The following ARNT2 variants were observed in gnomAD, a reference collection of about 807,000 sequenced individuals.
The protein encoded by ARNT2 is aryl hydrocarbon receptor nuclear translocator 2.
A neutral mutation model predicts 91.7 loss-of-function variants in ARNT2; 36 were observed. That is an observed-to-expected ratio of 0.39 (90% CI 0.30 to 0.52). ARNT2 has a LOEUF of 0.52. Among genes scored for constraint, ARNT2 ranks in the 20% least tolerant of loss-of-function variants. The pLI is 0.72. For missense variants in ARNT2, 775 were observed against 939.3 expected, an observed-to-expected ratio of 0.83 and a Z score of 2.29; for synonymous variants, 365 against 347.1, an observed-to-expected ratio of 1.05 and a Z score of -0.57.
At chr15:80,455,254 G>A (rs909184266) in intron 2 of ARNT2, among the ~76,000 whole-genome samples, 3 of 152,234 alleles carry the variant, frequency 2.0e-5, no homozygotes, top group African/African-American at 7.2e-5. Flanking sequence ...GACTGTTTTC[G>A]GGTGGATTGA....
intron 5 of ARNT2, among the ~76,000 whole-genome samples, chr15:80,480,705 A>T (rs1896872403): frequency 6.6e-6 from 1 of 152,028 alleles, no homozygotes; most frequent in Non-Finnish European, 1.5e-5. Context: ...CCAACAGCAG[A>T]AGAGGGTGCA....
intron 8 of ARNT2, among the ~76,000 whole-genome samples, chr15:80,545,493 G>C (rs927788152): frequency 1.3e-5 from 2 of 152,318 alleles, no homozygotes; most frequent in African/African-American, 4.8e-5. Flanking sequence ...CAGAGGAATG[G>C]TGTGGCCAAC....
rs1252007077 is a variant in ARNT2, at chr15:80,404,571, G to T, written c.31+25G>T. The T allele has an allele frequency of 9.2e-7, 1 of 1,081,740 alleles. No individual in the cohort carries two copies. Among genetic ancestry groups the T allele is most frequent in the Non-Finnish European group, 1.1e-6 (1 of 889,578 alleles). The allele number at this position is 1,081,740 out of a possible 1,614,324, so 67.0% of individuals were successfully genotyped here. On this transcript the variant is annotated intron_variant, in intron 1 of 18. Coordinates refer to ENST00000303329, the MANE Select transcript of ARNT2 (RefSeq NM_014862.4). The surrounding 1 kb of genome is among the most constrained non-coding windows in gnomAD (Gnocchi z 5.5). ...GGTGAGTAGCGGCCTGGGCCCCGCC[G>T]CCCGCCGCAGCCCGCAGGCCTTGCC...
chr15:80,490,707 A>G (rs545598969), intron 5 of ARNT2, among the ~76,000 whole-genome samples: 2 of 152,374 alleles, frequency 1.3e-5, no homozygotes, highest in African/African-American at 4.8e-5. Flanking sequence ...TCACAGATGA[A>G]GGGGAAACCT....
At chr15:80,445,385 G>A (rs1896281594) in intron 1 of ARNT2, among the ~76,000 whole-genome samples, 1 of 150,052 alleles carries the variant, frequency 6.7e-6, no homozygotes, top group South Asian at 2.1e-4. Flanking sequence ...TGTAGGGTGT[G>A]TGCAGGTGTC....
At chr15:80,552,176 G>A (rs1395849387) in intron 9 of ARNT2, among the ~76,000 whole-genome samples, 1 of 152,150 alleles carries the variant, frequency 6.6e-6, no homozygotes, top group Non-Finnish European at 1.5e-5. Flanking sequence ...TATGGGTATT[G>A]CTTGCACATG....
chr15:80,472,317 C>CA (rs915711016), intron 4 of ARNT2, among the ~76,000 whole-genome samples: 1 of 151,824 alleles, frequency 6.6e-6, no homozygotes, highest in Non-Finnish European at 1.5e-5. Context: ...AAAGGAGCCA[C>CA]AAAAAATACC....
At chr15:80,582,369 GCCTGTAATT>G in intron 17 of ARNT2, among the ~76,000 whole-genome samples, 1 of 151,530 alleles carries the variant, frequency 6.6e-6, no homozygotes, top group South Asian at 2.1e-4. Flanking sequence ...TGTGGTGCAT[GCCTGTAATT>G]CCAGCTACTC....
chr15:80,433,257 A>ATTTTATTTTATTTTAT (rs1555455375), intron 1 of ARNT2, among the ~76,000 whole-genome samples: 10 of 126,232 alleles, frequency 7.9e-5, no homozygotes, highest in South Asian at 5.0e-4. Flanking sequence ...ATTTTATTTT[A>ATTTTATTTTATTTTAT]TTTTATTTTA....
chr15:80,464,175 C>A (rs1448524878), intron 3 of ARNT2, among the ~76,000 whole-genome samples: 1 of 152,052 alleles, frequency 6.6e-6, no homozygotes, highest in Non-Finnish European at 1.5e-5. Context: ...TGAACTAGGA[C>A]CAGTTAGTGC....
intron 1 of ARNT2, among the ~76,000 whole-genome samples, chr15:80,419,010 G>A (rs185908943): frequency 2.0e-5 from 3 of 152,256 alleles, no homozygotes; most frequent in Non-Finnish European, 2.9e-5. Flanking sequence ...TGAGGGGAGC[G>A]TCTTTCGGAG....
intron 18 of ARNT2, among the ~76,000 whole-genome samples, chr15:80,593,038 T>C (rs1031090826): frequency 4.6e-5 from 7 of 152,350 alleles, no homozygotes; most frequent in Middle Eastern, 3.4e-3. Flanking sequence ...AGAACACATG[T>C]TGGGGAATTG....
chr15:80,451,050 T>C, intron 2 of ARNT2, 56 bp downstream of exon 2: 1 of 1,485,922 alleles, frequency 6.7e-7, no homozygotes, highest in Non-Finnish European at 9.3e-7. Context: ...GCAATGCTCT[T>C]GACCTGTTAG....
intron 15 of ARNT2, among the ~76,000 whole-genome samples, chr15:80,577,988 A>G (rs1050941427): frequency 5.9e-5 from 9 of 152,200 alleles, no homozygotes; most frequent in Admixed American, 4.6e-4. Flanking sequence ...ACCGCAGGTC[A>G]CGCTGCTCTG....
intron 12 of ARNT2, among the ~76,000 whole-genome samples, chr15:80,571,859 C>T (rs1898589797): frequency 6.6e-6 from 1 of 152,226 alleles, no homozygotes; most frequent in Non-Finnish European, 1.5e-5. Flanking sequence ...TCTGTGATAG[C>T]CACTTGCCAG....
chr15:80,525,153 A>G (rs1897620125), intron 8 of ARNT2, among the ~76,000 whole-genome samples: 1 of 152,226 alleles, frequency 6.6e-6, no homozygotes, highest in African/African-American at 2.4e-5. Context: ...TAAATTTTCT[A>G]AAGAGGCATT....
chr15:80,514,721 C>T (rs937292420), intron 8 of ARNT2, among the ~76,000 whole-genome samples: 2 of 152,088 alleles, frequency 1.3e-5, no homozygotes, highest in African/African-American at 2.4e-5. Flanking sequence ...CCTGTGTCTA[C>T]TAAAAATACA....
chr15:80,562,807 A>C, intron 11 of ARNT2: 1 of 447,032 alleles, frequency 2.2e-6, no homozygotes, highest in Non-Finnish European at 4.1e-6. Flanking sequence ...CATTTGTAAA[A>C]GCTAAATTAA....
At chr15:80,578,077 G>A (rs559228886) in intron 15 of ARNT2, among the ~76,000 whole-genome samples, 20 of 152,318 alleles carry the variant, frequency 1.3e-4, no homozygotes, top group Non-Finnish European at 2.6e-4. Context: ...ACCGATCTCC[G>A]TTGATGCCAA....
Sources: gnomAD v4.1 joint callset for allele counts (sites outside exome capture counted in the v4.1 genomes callset) on GRCh38, gnomAD v4.1.1 for gene constraint, Gnocchi (gnomAD v3.1) non-coding constraint, MANE v1.5 for transcripts, NCBI Gene and HGNC (gene_info 2026-07-23, HGNC 2026-07-21) for gene names.